Variants in AIDA observed in about 807,000 individuals in gnomAD.
The protein encoded by AIDA is axin interactor, dorsalization-associated protein.
Under a neutral mutation model 42.7 loss-of-function variants are expected in AIDA, and 18 were observed. That is an observed-to-expected ratio of 0.42 (90% CI 0.29 to 0.63). The LOEUF is 0.63. Ranked by LOEUF, AIDA falls within the 20% of genes least tolerant of loss-of-function variation. AIDA has a pLI of 0.19. For missense variants in AIDA, 250 were observed against 354.1 expected (o/e 0.71, Z 2.36); for synonymous variants, 104 against 122.9 (o/e 0.85, Z 1.02).
rs1294981900 is a variant in AIDA, at chr1:222,669,949, A to G, written c.865T>C (p.Leu289=). The G allele has an allele frequency of 3.3e-5, 54 of 1,613,620 alleles. No individual in the cohort carries two copies. Among genetic ancestry groups the G allele is most frequent in the Non-Finnish European group, 4.4e-5 (52 of 1,179,974 alleles). The change falls in exon 10 of 10, where the codon TTA becomes CTA. Residue 289 remains leucine (L), a synonymous_variant. Transcript: ENST00000340020. ...AGATAAAGTGGTTTCTTGGTCAATAATTGCAATTTCTTTCTTTTAAAGTCA... is the reference window on the plus strand; with the variant it reads ...AGATAAAGTGGTTTCTTGGTCAATAGTTGCAATTTCTTTCTTTTAAAGTCA... ...PTDFKRKKLQ[L]LTKKPLYLHL...
Position 222,679,736 on chromosome 1 carries a change from T to C in AIDA, c.461-3518A>G, listed in dbSNP as rs572441017. Among the ~76,000 whole-genome samples the C allele has an allele frequency of 3.3e-5, 5 of 152,300 alleles. No individual in the cohort carries two copies. The South Asian group carries it at 1.0e-3, about 32-fold the overall frequency. The stretch of plus-strand genomic sequence containing the variant: ...CACACCTCATTTGGCCATTTCTTCA[T>C]TGTCCATAGAGCCTACACAGGAGCT... On this transcript the variant is annotated intron_variant, in intron 6 of 9. Coordinates refer to ENST00000340020, the MANE Select transcript of AIDA (RefSeq NM_022831.4).
chr1:222,689,957 T>C (rs937215284), intron 4 of AIDA, among the ~76,000 whole-genome samples: 14 of 152,146 alleles, frequency 9.2e-5, no homozygotes, highest in African/African-American at 3.1e-4. Context: ...ATATGTACTT[T>C]TACTATCCTT....
chr1:222,673,580 T>A (rs1446031585), intron 7 of AIDA, 145 bp from the exon 8 acceptor site: 1 of 497,960 alleles, frequency 2.0e-6, no homozygotes, highest in Non-Finnish European at 3.3e-6. Flanking sequence ...ATCAAGAACA[T>A]CCTGGCTAAC....
chr1:222,679,548 TACTA>T (rs1269704904), intron 6 of AIDA, among the ~76,000 whole-genome samples: 1 of 152,240 alleles, frequency 6.6e-6, no homozygotes, highest in African/African-American at 2.4e-5. Context: ...CCTTTACATG[TACTA>T]ACTCATTTAA....
intron 6 of AIDA, among the ~76,000 whole-genome samples, chr1:222,685,145 T>C (rs1441895592): frequency 6.6e-6 from 1 of 152,218 alleles, no homozygotes; most frequent in Non-Finnish European, 1.5e-5. Context: ...GTGCCTGCAA[T>C]GTTTCCAATA....
intron 2 of AIDA, among the ~76,000 whole-genome samples, chr1:222,700,811 C>G (rs1056403634): frequency 6.6e-6 from 1 of 150,754 alleles, no homozygotes; most frequent in African/African-American, 2.4e-5. Flanking sequence ...TGAAAAAAGA[C>G]AGTGGCCATG....
At chr1:222,680,881 T>C (rs1350816517) in intron 6 of AIDA, among the ~76,000 whole-genome samples, 3 of 152,186 alleles carry the variant, frequency 2.0e-5, no homozygotes, top group Non-Finnish European at 4.4e-5. Context: ...AAGGATCTCA[T>C]AATGCCTGCA....
chr1:222,702,078 A>T (rs1049466452), intron 2 of AIDA, among the ~76,000 whole-genome samples: 4 of 152,236 alleles, frequency 2.6e-5, no homozygotes, highest in African/African-American at 9.6e-5. Flanking sequence ...TAAATACAAA[A>T]TAAAAAAGTA....
At chr1:222,689,491 A>ATG (rs1655296096) in intron 4 of AIDA, among the ~76,000 whole-genome samples, 1 of 43,974 alleles carries the variant, frequency 2.3e-5, no homozygotes, top group Non-Finnish European at 4.3e-5. Context: ...GTATATATAT[A>ATG]TATATATATA....
chr1:222,689,469 A>ACG lies in AIDA; in HGVS notation c.290-1812_290-1811insCG, dbSNP rs1558211551. Among the ~76,000 whole-genome samples the ACG allele has an allele frequency of 1.3e-3, 77 of 61,324 alleles. 1 individual carries two copies. The highest frequency in any genetic ancestry group is 5.6e-3 in the African/African-American group (74 of 13,314). 40.2% of individuals were successfully genotyped at this position (61,324 alleles called of 152,430 possible). A position where few individuals can be genotyped will look rare whatever the true frequency, so the allele number is the denominator to read the frequency against. On this transcript the variant is annotated intron_variant, in intron 4 of 9. Coordinates refer to ENST00000340020, the MANE Select transcript of AIDA (RefSeq NM_022831.4). Reference sequence around the variant, plus strand: ...TGTCTCAAGAAAAAAGAAAATATGTATGTGTGTGTGTGTATATATATATAT... The same window carrying ACG: ...TGTCTCAAGAAAAAAGAAAATATGTACGTGTGTGTGTGTGTATATATATATAT...
At chr1:222,677,779 T>G (rs1032587293) in intron 6 of AIDA, among the ~76,000 whole-genome samples, 7 of 152,164 alleles carry the variant, frequency 4.6e-5, no homozygotes, top group Non-Finnish European at 8.8e-5. Context: ...ATGGAGATTT[T>G]CCTAATTATT....
At chr1:222,711,993 G>A (rs1423978752) in intron 1 of AIDA, 3 of 619,998 alleles carry the variant, frequency 4.8e-6, no homozygotes, top group East Asian at 3.3e-5. Context: ...TGCGGAGGCG[G>A]AGAGGGAAGA....
intron 4 of AIDA, among the ~76,000 whole-genome samples, chr1:222,692,650 G>A (rs1357248473): frequency 1.3e-5 from 2 of 152,318 alleles, no homozygotes; most frequent in East Asian, 3.9e-4. Flanking sequence ...TCTTTGAGGA[G>A]TGAAATGAAT....
intron 6 of AIDA, among the ~76,000 whole-genome samples, chr1:222,684,660 T>A (rs574283255): frequency 2.0e-5 from 3 of 152,206 alleles, no homozygotes; most frequent in Non-Finnish European, 2.9e-5. Flanking sequence ...GGGAAAAAAA[T>A]TCAGGGACTA....
intron 1 of AIDA, among the ~76,000 whole-genome samples, chr1:222,709,042 C>T (rs577369991): frequency 6.6e-6 from 1 of 152,276 alleles, no homozygotes; most frequent in African/African-American, 2.4e-5. Flanking sequence ...AGACACCGCC[C>T]CAACACCCTG....
chr1:222,681,438 TG>T (rs1182707440), intron 6 of AIDA, among the ~76,000 whole-genome samples: 1 of 152,048 alleles, frequency 6.6e-6, no homozygotes, highest in African/African-American at 2.4e-5. Context: ...CCAAGGTGGG[TG>T]GATTACCTGA....
intron 2 of AIDA, among the ~76,000 whole-genome samples, chr1:222,695,493 A>G (rs1655493957): frequency 6.6e-6 from 1 of 152,026 alleles, no homozygotes. Flanking sequence ...CTCCATCTCA[A>G]AAAAAAAGAA....
At chr1:222,671,813 A>C (rs1031376440) in intron 8 of AIDA, among the ~76,000 whole-genome samples, 7 of 152,206 alleles carry the variant, frequency 4.6e-5, no homozygotes, top group African/African-American at 1.7e-4. Flanking sequence ...AGAAAACCAA[A>C]GATTTTAAAG....
chr1:222,686,856 T>C (rs1188753870), intron 6 of AIDA, 74 bp downstream of exon 6: 3 of 1,530,574 alleles, frequency 2.0e-6, no homozygotes, highest in African/African-American at 1.4e-5. Flanking sequence ...CACTAGCAAA[T>C]ACCAAAGAAA....
Sources: allele counts gnomAD v4.1 joint callset (sites outside exome capture counted in the v4.1 genomes callset), GRCh38; gene constraint gnomAD v4.1.1; transcripts MANE v1.5; gene names NCBI Gene and HGNC (gene_info 2026-07-23, HGNC 2026-07-21).